The following ANTXR1 variants were observed in gnomAD, a reference collection of about 807,000 sequenced individuals.
ANTXR1 encodes ANTXR cell adhesion molecule 1, also known as anthrax toxin receptor 1.
A neutral mutation model predicts 78.1 loss-of-function variants in ANTXR1; 19 were observed. That is an observed-to-expected ratio of 0.24 (90% confidence interval 0.17 to 0.36). The LOEUF (loss-of-function observed/expected upper bound fraction) is 0.36. ANTXR1 is among the 10% of genes least tolerant of loss of function. The pLI, the probability that ANTXR1 is intolerant of heterozygous loss-of-function variation, is 1.00. For synonymous variants in ANTXR1, 273 were observed against 260.5 expected (o/e 1.05, Z -0.46); for missense variants, 518 against 718.6 (o/e 0.72, Z 3.19).
chr2:69,016,990 G>A (rs1195290536), intron 1 of ANTXR1, among the ~76,000 whole-genome samples: 1 of 152,172 alleles, frequency 6.6e-6, no homozygotes, highest in South Asian at 2.1e-4. Context: ...GAAAAGAAAT[G>A]GTGGGGAGAC....
chr2:69,170,337 A>G, intron 14 of ANTXR1, 48 bp downstream of exon 14: 1 of 1,609,592 alleles, frequency 6.2e-7, no homozygotes, highest in Non-Finnish European at 8.5e-7. Context: ...GTGGCAGAGT[A>G]GGGTGGAGAG....
chr2:69,032,199 C>A (rs1357515374), intron 1 of ANTXR1, among the ~76,000 whole-genome samples: 1 of 152,026 alleles, frequency 6.6e-6, no homozygotes, highest in South Asian at 2.1e-4. Context: ...TTGTTCATAA[C>A]CATAATGACA....
chr2:69,102,710 G>A (rs1209310412), intron 9 of ANTXR1, 132 bp from the exon 10 acceptor site: 3 of 973,414 alleles, frequency 3.1e-6, no homozygotes, highest in Non-Finnish European at 4.9e-6. Context: ...GTTGCTTTTG[G>A]TGTTCAACCT....
intron 10 of ANTXR1, among the ~76,000 whole-genome samples, chr2:69,111,931 TAAACTTCCC>T (rs945750221): frequency 1.3e-5 from 2 of 152,126 alleles, no homozygotes; most frequent in Non-Finnish European, 2.9e-5. Flanking sequence ...CAGGAGAACA[TAAACTTCCC>T]AAAAAAAAGC....
chr2:69,058,249 A>T (rs6728816), intron 3 of ANTXR1, among the ~76,000 whole-genome samples: 11,829 of 152,258 alleles, frequency 0.078, 927 homozygotes, highest in East Asian at 0.24. Flanking sequence ...CTTCTATTGG[A>T]AGAAGATGCC....
intron 17 of ANTXR1, among the ~76,000 whole-genome samples, chr2:69,225,251 T>C (rs1350832934): frequency 1.3e-5 from 2 of 152,206 alleles, no homozygotes; most frequent in African/African-American, 4.8e-5. Context: ...GGAATTTCTC[T>C]CCTGGGTAAC....
At chr2:69,103,039 C>T in intron 10 of ANTXR1, 99 bp downstream of exon 10, 1 of 1,202,598 alleles carries the variant, frequency 8.3e-7, no homozygotes, top group Non-Finnish European at 1.2e-6. Flanking sequence ...ATGAAACCAG[C>T]AGAAAAGAGT....
At chr2:69,234,707 G>A (rs1675708969) in intron 17 of ANTXR1, among the ~76,000 whole-genome samples, 1 of 152,074 alleles carries the variant, frequency 6.6e-6, no homozygotes, top group Non-Finnish European at 1.5e-5. Context: ...AGATTACAGT[G>A]AGCTGAGATT....
chr2:69,064,290 A>T (rs1229669592), intron 3 of ANTXR1, among the ~76,000 whole-genome samples: 1 of 152,220 alleles, frequency 6.6e-6, no homozygotes, highest in Non-Finnish European at 1.5e-5. Flanking sequence ...GATTAGGCTC[A>T]GCTGGGAAAT....
At chr2:69,227,444 C>T (rs1675484351) in intron 17 of ANTXR1, among the ~76,000 whole-genome samples, 1 of 152,240 alleles carries the variant, frequency 6.6e-6, no homozygotes, top group African/African-American at 2.4e-5. Flanking sequence ...GAGCCTACCA[C>T]AGCACCCCAA....
intron 1 of ANTXR1, among the ~76,000 whole-genome samples, chr2:69,035,399 T>C (rs1162800665): frequency 1.3e-5 from 2 of 152,158 alleles, no homozygotes; most frequent in Non-Finnish European, 2.9e-5. Flanking sequence ...GATCTTGCGC[T>C]AGGACAATGC....
chr2:69,013,679 C>A lies in ANTXR1; in HGVS notation c.152+28C>A. 1 of 1,551,436 alleles carries A rather than the reference C, an allele frequency of 6.4e-7. No individual in the cohort carries two copies. Among genetic ancestry groups the A allele is most frequent in the Non-Finnish European group, 8.7e-7 (1 of 1,146,830 alleles). On this transcript the variant is annotated intron_variant, in intron 1 of 17. Transcript: ENST00000303714. This position sits in a 1 kb window ranked among gnomAD's most constrained non-coding sequence, Gnocchi z 5.0. ...AAGTGCCGCGAGTTGTCCCCCCCAC[C>A]CCAGGCTAAGCGGGCGAAAACGCTT... is the stretch of plus-strand genomic sequence containing the variant.
chr2:69,175,145 C>T (rs182153148), intron 14 of ANTXR1, among the ~76,000 whole-genome samples: 4 of 152,370 alleles, frequency 2.6e-5, no homozygotes, highest in Non-Finnish European at 4.4e-5. Flanking sequence ...GTGTCACTCA[C>T]ACAGGGCACA....
chr2:69,149,681 A>G (rs1250947601), intron 12 of ANTXR1, among the ~76,000 whole-genome samples: 3 of 152,164 alleles, frequency 2.0e-5, no homozygotes, highest in Admixed American at 2.0e-4. Flanking sequence ...TACCCTGGAG[A>G]ACTAGAGGGA....
chr2:69,168,112 C>T (rs1210267317), intron 13 of ANTXR1, among the ~76,000 whole-genome samples: 1 of 152,190 alleles, frequency 6.6e-6, no homozygotes, highest in Non-Finnish European at 1.5e-5. Flanking sequence ...CTGTCTCACT[C>T]AGTTCATGAA....
intron 14 of ANTXR1, chr2:69,172,558 A>C: frequency 7.3e-7 from 1 of 1,379,286 alleles, no homozygotes; most frequent in South Asian, 1.8e-5. Flanking sequence ...ATGAAATCAA[A>C]CACTCTCTGC....
intron 3 of ANTXR1, among the ~76,000 whole-genome samples, chr2:69,059,793 G>A (rs573542893): frequency 1.3e-5 from 2 of 152,180 alleles, no homozygotes; most frequent in South Asian, 4.2e-4. Context: ...CTTTATCTTG[G>A]TGGTCTGGGA....
rs567577653 is a variant in ANTXR1, at chr2:69,124,818, T to C, written c.951+175T>C. On this transcript the variant is annotated intron_variant, in intron 12 of 17. Coordinates refer to ENST00000303714, the MANE Select transcript of ANTXR1 (RefSeq NM_032208.3). ...AGCCCCAGGCTGGATTGGGGTGTGC[T>C]GTACCCCAGAGTGTATCAGGCATGT... Among the ~76,000 whole-genome samples the C allele has an allele frequency of 2.0e-4, 30 of 152,302 alleles. 1 individual carries two copies. The East Asian group carries it at 5.2e-3, about 26-fold the overall frequency.
chr2:69,094,261 C>T (rs142511665), intron 9 of ANTXR1, among the ~76,000 whole-genome samples: 83 of 152,298 alleles, frequency 5.4e-4, no homozygotes, highest in African/African-American at 1.9e-3. Flanking sequence ...GGCTTGTTAT[C>T]AGCATCATCT....
Sources: allele counts gnomAD v4.1 joint callset (sites outside exome capture counted in the v4.1 genomes callset), GRCh38; gene constraint gnomAD v4.1.1; non-coding constraint Gnocchi (gnomAD v3.1); transcripts MANE v1.5; gene names NCBI Gene and HGNC (gene_info 2026-07-23, HGNC 2026-07-21).